PPM1H: variants seen among roughly 807,000 people sequenced by gnomAD.
PPM1H encodes the protein protein phosphatase 1H.
A neutral mutation model predicts 54.9 loss-of-function variants in PPM1H; 27 were observed. The observed-to-expected ratio is 0.49, with a 90% CI of 0.36 to 0.68. PPM1H has a LOEUF of 0.68. Ranked by LOEUF, PPM1H falls within the 30% of genes least tolerant of loss-of-function variation. The pLI is 0.00. For synonymous variants in PPM1H, 305 were observed against 270.8 expected (o/e 1.13, Z -1.24); for missense variants, 596 against 667.8 (o/e 0.89, Z 1.19).
chr12:62,821,703 G>C (rs532913457), intron 2 of PPM1H, among the ~76,000 whole-genome samples: 1 of 152,126 alleles, frequency 6.6e-6, no homozygotes. Context: ...TTACAGACAA[G>C]CAAATGCTGA....
chr12:62,836,802 C>T (rs1016761637), intron 1 of PPM1H, among the ~76,000 whole-genome samples: 2 of 152,152 alleles, frequency 1.3e-5, no homozygotes, highest in African/African-American at 4.8e-5. Context: ...CTTAGAAGAA[C>T]AAGACACATC....
chr12:62,740,939 T>C (rs541299792), intron 4 of PPM1H, among the ~76,000 whole-genome samples: 16 of 152,340 alleles, frequency 1.1e-4, no homozygotes, highest in African/African-American at 3.6e-4. Context: ...CAACGACATA[T>C]GCTGGTGAGT....
chr12:62,872,563 A>T (rs1281789995), intron 1 of PPM1H, among the ~76,000 whole-genome samples: 1 of 152,240 alleles, frequency 6.6e-6, no homozygotes, highest in Non-Finnish European at 1.5e-5. Context: ...TTTCTAGCTC[A>T]ATCTCTCTAT....
chr12:62,778,875 G>T (rs959895937), intron 4 of PPM1H, among the ~76,000 whole-genome samples: 7 of 151,890 alleles, frequency 4.6e-5, no homozygotes, highest in Admixed American at 3.9e-4. Flanking sequence ...AGGCTGCAGT[G>T]AGCTATGACC....
At chr12:62,652,760 T>G (rs543578227) in intron 9 of PPM1H, among the ~76,000 whole-genome samples, 1 of 152,324 alleles carries the variant, frequency 6.6e-6, no homozygotes, top group Non-Finnish European at 1.5e-5. Context: ...ATTATTTTAA[T>G]TCACCTTTTT....
At chr12:62,774,462 C>T (rs1232163171) in intron 4 of PPM1H, among the ~76,000 whole-genome samples, 1 of 152,148 alleles carries the variant, frequency 6.6e-6, no homozygotes, top group Admixed American at 6.5e-5. Flanking sequence ...CCACCTCAGC[C>T]CCCTCAGTAG....
chr12:62,718,541 T>C (rs2076247636), intron 6 of PPM1H, among the ~76,000 whole-genome samples: 1 of 152,180 alleles, frequency 6.6e-6, no homozygotes, highest in South Asian at 2.1e-4. Context: ...TTCCCTATCA[T>C]GTTCCCTCAG....
Position 62,934,785 on chromosome 12 carries a change from C to G in PPM1H, c.-49G>C. The G allele has an allele frequency of 7.0e-7, 1 of 1,431,238 alleles. No homozygotes were observed. The highest frequency in any genetic ancestry group is 9.2e-7 in the Non-Finnish European group (1 of 1,089,622). 88.7% of individuals were successfully genotyped at this position (1,431,238 alleles called of 1,614,324 possible). The stretch of plus-strand genomic sequence containing the variant: ...CGGTGCGAGCAGGAGGCGGCGGGGG[C>G]CGGGCAAGGCGCAGCGCGGGGCATG... On this transcript the variant is annotated 5_prime_UTR_variant, in exon 1 of 10. Transcript: ENST00000228705. The surrounding 1 kb of genome is among the most constrained non-coding windows in gnomAD (Gnocchi z 4.2).
intron 7 of PPM1H, among the ~76,000 whole-genome samples, chr12:62,691,534 C>G (rs1365102108): frequency 6.6e-6 from 1 of 152,032 alleles, no homozygotes; most frequent in African/African-American, 2.4e-5. Context: ...GATAAAGACA[C>G]GAGACACAGC....
At chr12:62,683,716 G>T (rs953243239) in intron 8 of PPM1H, among the ~76,000 whole-genome samples, 1 of 152,192 alleles carries the variant, frequency 6.6e-6, no homozygotes, top group Non-Finnish European at 1.5e-5. Flanking sequence ...GGAGAGAGCT[G>T]GCTCCGCAAA....
chr12:62,779,298 C>T (rs886277921), intron 4 of PPM1H, among the ~76,000 whole-genome samples: 3 of 152,128 alleles, frequency 2.0e-5, no homozygotes, highest in Non-Finnish European at 2.9e-5. Flanking sequence ...CTGCCTGCCT[C>T]GGCCTCCCAA....
intron 1 of PPM1H, among the ~76,000 whole-genome samples, chr12:62,841,137 C>G (rs1366696148): frequency 1.3e-5 from 2 of 151,868 alleles, no homozygotes; most frequent in Non-Finnish European, 2.9e-5. Flanking sequence ...TGAAACAAGT[C>G]TTGGTGGTGG....
At chr12:62,919,023 A>G (rs942930717) in intron 1 of PPM1H, among the ~76,000 whole-genome samples, 6 of 152,220 alleles carry the variant, frequency 3.9e-5, no homozygotes, top group African/African-American at 1.4e-4. Context: ...TCTCATCCAC[A>G]GTCAGTGGAG....
intron 1 of PPM1H, among the ~76,000 whole-genome samples, chr12:62,918,546 G>T (rs554642346): frequency 2.0e-5 from 3 of 152,182 alleles, no homozygotes; most frequent in Middle Eastern, 3.4e-3. Context: ...TCTAAACATT[G>T]ATCTTTTCTA....
At chr12:62,772,650 C>G (rs752210161) in intron 4 of PPM1H, among the ~76,000 whole-genome samples, 2 of 152,106 alleles carry the variant, frequency 1.3e-5, no homozygotes, top group Non-Finnish European at 2.9e-5. Flanking sequence ...AGCTGCAACT[C>G]TAGATCTGTG....
intron 3 of PPM1H, among the ~76,000 whole-genome samples, chr12:62,790,493 G>A (rs2076696187): frequency 6.6e-6 from 1 of 152,188 alleles, no homozygotes; most frequent in African/African-American, 2.4e-5. Context: ...GATCTCTTGA[G>A]CCCAGGAGTT....
chr12:62,713,425 T>C (rs1028474936), intron 6 of PPM1H, among the ~76,000 whole-genome samples: 1 of 152,158 alleles, frequency 6.6e-6, no homozygotes, highest in African/African-American at 2.4e-5. Flanking sequence ...GGTGCGCTAC[T>C]GACTAGGGCT....
At chr12:62,924,602 C>A (rs565734044) in intron 1 of PPM1H, among the ~76,000 whole-genome samples, 1 of 152,244 alleles carries the variant, frequency 6.6e-6, no homozygotes, top group East Asian at 1.9e-4. Context: ...TTCTCATAGC[C>A]AAATGGCCGG....
intron 1 of PPM1H, among the ~76,000 whole-genome samples, chr12:62,840,969 G>C (rs544339369): frequency 1.3e-5 from 2 of 152,034 alleles, no homozygotes; most frequent in Non-Finnish European, 2.9e-5. Flanking sequence ...AATGGCTCTC[G>C]GTGGAAGGGA....
Sources: allele counts gnomAD v4.1 joint callset (sites outside exome capture counted in the v4.1 genomes callset), GRCh38; gene constraint gnomAD v4.1.1; non-coding constraint Gnocchi (gnomAD v3.1); transcripts MANE v1.5; gene names NCBI Gene and HGNC (gene_info 2026-07-23, HGNC 2026-07-21).